DCC: variants seen among roughly 807,000 people sequenced by gnomAD.
The protein encoded by DCC is DCC netrin 1 receptor, also known as netrin receptor DCC.
In DCC, 58 loss-of-function variants were observed where a neutral mutation model predicts 172.5. The ratio of observed to expected loss-of-function variants is 0.34; its 90% CI spans 0.27 to 0.42. DCC has a LOEUF of 0.42. DCC is among the 10% of genes least tolerant of loss of function. The probability of loss-of-function intolerance (pLI) is 1.00; values close to 1 mark genes in which losing one functional copy is unlikely to be tolerated. For missense variants in DCC, 1,740 were observed against 1,791.0 expected, an observed-to-expected ratio of 0.97 and a Z score of 0.51; for synonymous variants, 709 against 644.5, an observed-to-expected ratio of 1.10 and a Z score of -1.52.
chr18:53,392,161 C>G (rs1908588753), intron 17 of DCC, among the ~76,000 whole-genome samples: 1 of 151,598 alleles, frequency 6.6e-6, no homozygotes, highest in Non-Finnish European at 1.5e-5. Flanking sequence ...TGATTCTGTG[C>G]AAGAGAATGC....
At chr18:52,355,687 G>A (rs895845209) in intron 1 of DCC, among the ~76,000 whole-genome samples, 6 of 152,058 alleles carry the variant, frequency 3.9e-5, no homozygotes, top group African/African-American at 1.4e-4. Flanking sequence ...TGTTGTTTTA[G>A]TTAACAAAAT....
At chr18:53,156,164 T>C (rs1478950913) in intron 7 of DCC, among the ~76,000 whole-genome samples, 1 of 152,114 alleles carries the variant, frequency 6.6e-6, no homozygotes, top group Non-Finnish European at 1.5e-5. Flanking sequence ...ATGAAACATA[T>C]TTTAACTGTG....
intron 2 of DCC, among the ~76,000 whole-genome samples, chr18:52,833,818 G>A (rs984322800): frequency 6.6e-6 from 1 of 152,062 alleles, no homozygotes; most frequent in African/African-American, 2.4e-5. Flanking sequence ...GTGGCACCAT[G>A]CCTAGCTAAT....
chr18:53,178,698 C>T (rs1470602192), intron 8 of DCC, among the ~76,000 whole-genome samples: 2 of 151,998 alleles, frequency 1.3e-5, no homozygotes, highest in African/African-American at 4.8e-5. Context: ...TGTAAAGTGT[C>T]GAGGAAAAAG....
chr18:52,701,831 A>C (rs965860674), intron 1 of DCC, among the ~76,000 whole-genome samples: 1 of 152,174 alleles, frequency 6.6e-6, no homozygotes, highest in Admixed American at 6.5e-5. Context: ...TTCCATCTTG[A>C]ATGTTAATCC....
At position 53,514,514 on chromosome 18, in the gene DCC, GT is replaced by G. The variant is rs937187435; in HGVS notation, c.4112-12097del. On this transcript the variant is annotated intron_variant, in intron 27 of 28. Transcript: ENST00000442544. Reference sequence around the variant, plus strand: ...AAAAAATTAATGAATACAGGAGCTGGTTTTTTGAAAGGATCAACAAAATTGA... The same window carrying G: ...AAAAAATTAATGAATACAGGAGCTGGTTTTTGAAAGGATCAACAAAATTGA... Among the ~76,000 whole-genome samples the G allele has an allele frequency of 5.3e-5, 8 of 152,220 alleles. No individual in the cohort carries two copies. The East Asian group carries it at 1.2e-3, about 22-fold the overall frequency.
intron 2 of DCC, among the ~76,000 whole-genome samples, chr18:52,843,070 T>C (rs1330049806): frequency 6.6e-6 from 1 of 152,228 alleles, no homozygotes; most frequent in Non-Finnish European, 1.5e-5. Context: ...ATTTGAGTTA[T>C]AAATGTTACA....
At chr18:53,216,234 CAG>C (rs1173538056) in intron 12 of DCC, among the ~76,000 whole-genome samples, 2 of 152,218 alleles carry the variant, frequency 1.3e-5, no homozygotes, top group Non-Finnish European at 1.5e-5. Flanking sequence ...TCAAGTGACT[CAG>C]GGTTGGAAAT....
At chr18:52,642,106 A>G (rs1390267070) in intron 1 of DCC, among the ~76,000 whole-genome samples, 13 of 146,984 alleles carry the variant, frequency 8.8e-5, no homozygotes, top group Non-Finnish European at 1.8e-4. Flanking sequence ...ACTCACACAC[A>G]CATACACACA....
intron 5 of DCC, among the ~76,000 whole-genome samples, chr18:53,022,540 T>C (rs545824494): frequency 9.8e-4 from 78 of 79,876 alleles, no homozygotes; most frequent in African/African-American, 5.1e-3. Flanking sequence ...TATATATATA[T>C]GTGCGTGTGT....
chr18:52,966,215 A>G (rs2040927602), intron 5 of DCC, among the ~76,000 whole-genome samples: 1 of 152,176 alleles, frequency 6.6e-6, no homozygotes, highest in African/African-American at 2.4e-5. Flanking sequence ...GGGTTATGGC[A>G]TGGTCATGAA....
At chr18:52,834,441 C>G (rs1340423860) in intron 2 of DCC, among the ~76,000 whole-genome samples, 1 of 152,134 alleles carries the variant, frequency 6.6e-6, no homozygotes, top group East Asian at 1.9e-4. Flanking sequence ...AATCTGCTGT[C>G]ACAAGTCCTC....
At chr18:52,618,831 A>G (rs1438967108) in intron 1 of DCC, among the ~76,000 whole-genome samples, 2 of 152,212 alleles carry the variant, frequency 1.3e-5, no homozygotes, top group Non-Finnish European at 2.9e-5. Flanking sequence ...CAAATTTCTT[A>G]GATAGCTTCT....
chr18:52,656,721 T>C (rs759217517), intron 1 of DCC, among the ~76,000 whole-genome samples: 194 of 152,190 alleles, frequency 1.3e-3, no homozygotes, highest in Non-Finnish European at 2.3e-3. Context: ...TCCAGGGCCT[T>C]GACTTTAATG....
At chr18:53,436,726 C>T (rs923693369) in intron 22 of DCC, among the ~76,000 whole-genome samples, 4 of 152,098 alleles carry the variant, frequency 2.6e-5, no homozygotes, top group South Asian at 4.1e-4. Context: ...ACACGTAGAA[C>T]GTCTTATGTT....
In DCC at chr18:52,587,031, A is replaced by G. The variant is rs569378648; in HGVS notation, c.92-165023A>G. 4.6e-5 allele frequency among the ~76,000 whole-genome samples: 7 copies of G among 152,334 alleles called. No individual in the cohort carries two copies. In the South Asian group the frequency reaches 1.4e-3, roughly 32 times the overall value. ...AGTTCACAAATGGTAGTCTTGGCAG[A>G]AGCACTGGGTGCAGGATAATCAAAC... is the stretch of plus-strand genomic sequence containing the variant. On this transcript the variant is annotated intron_variant, in intron 1 of 28. Transcript: ENST00000442544.
intron 8 of DCC, among the ~76,000 whole-genome samples, chr18:53,164,026 A>G (rs1478014872): frequency 6.6e-6 from 1 of 152,202 alleles, no homozygotes; most frequent in Non-Finnish European, 1.5e-5. Flanking sequence ...TAGAACTAGA[A>G]TTTCGTGCAG....
intron 18 of DCC, 53 bp downstream of exon 18, chr18:53,397,499 C>G (rs1347240167): frequency 7.5e-6 from 12 of 1,602,468 alleles, no homozygotes; most frequent in Non-Finnish European, 1.0e-5. Flanking sequence ...TTCCCAGGTT[C>G]TGTGGAAATT....
rs550038232 is a variant in DCC, at chr18:52,890,935, C to G, written c.413-15109C>G. On this transcript the variant is annotated intron_variant, in intron 2 of 28. Transcript: ENST00000442544. ...GTTTTAAATGTATGTTCTTGATCTTCTCTTCCTTGAAAAGCGGAATGACTT... is the reference window on the plus strand; with the variant it reads ...GTTTTAAATGTATGTTCTTGATCTTGTCTTCCTTGAAAAGCGGAATGACTT... Among the ~76,000 whole-genome samples the G allele has an allele frequency of 2.1e-3, 314 of 152,166 alleles. 1 individual carries two copies. The highest frequency in any genetic ancestry group is 7.2e-3 in the African/African-American group (298 of 41,530).
Sources: gnomAD v4.1 joint callset for allele counts (sites outside exome capture counted in the v4.1 genomes callset) on GRCh38, gnomAD v4.1.1 for gene constraint, MANE v1.5 for transcripts, NCBI Gene and HGNC (gene_info 2026-07-23, HGNC 2026-07-21) for gene names.